Variants in AMZ2 observed in about 807,000 individuals in gnomAD.
AMZ2 encodes archaelysin family metallopeptidase 2, also known as archaemetzincin-2.
A neutral mutation model predicts 36.7 loss-of-function variants in AMZ2; 26 were observed. The observed-to-expected ratio is 0.71, with a 90% CI of 0.52 to 0.98. AMZ2 has a LOEUF of 0.98. AMZ2 is among the 50% of genes least tolerant of loss of function. The pLI, the probability that AMZ2 is intolerant of heterozygous loss-of-function variation, is 0.00. For missense variants in AMZ2, 394 were observed against 430.5 expected (o/e 0.92, Z 0.75); for synonymous variants, 144 against 149.1 (o/e 0.97, Z 0.25).
chr17:68,248,810 G>A (rs1298983245), intron 1 of AMZ2, 105 bp downstream of exon 1: 7 of 969,520 alleles, frequency 7.2e-6, no homozygotes, highest in Non-Finnish European at 7.4e-6. Flanking sequence ...GCTTATATCA[G>A]AGCTTTGAGT....
At chr17:68,220,999 G>A (rs2073338787) in intron 1 of AMZ2, among the ~76,000 whole-genome samples, 1 of 152,030 alleles carries the variant, frequency 6.6e-6, no homozygotes, top group African/African-American at 2.4e-5. Context: ...GGCCAGGCTG[G>A]TCTTGAACTC....
At chr17:68,220,825 C>T (rs1215557941) in intron 1 of AMZ2, among the ~76,000 whole-genome samples, 20 of 146,504 alleles carry the variant, frequency 1.4e-4, no homozygotes, top group Non-Finnish European at 2.4e-4. Context: ...CTGTCTCGCC[C>T]AGGCTGGGGT....
chr17:68,247,947 T>G (rs16972844), upstream of AMZ2: 1 of 984,540 alleles, frequency 1.0e-6, no homozygotes, highest in Non-Finnish European at 1.2e-6. Context: ...GTGGCATGGG[T>G]GGGTCGTGAG....
At chr17:68,249,014 C>A in intron 1 of AMZ2, 1 of 1,099,172 alleles carries the variant, frequency 9.1e-7, no homozygotes, top group South Asian at 4.5e-5. Flanking sequence ...CAAAAAGCCT[C>A]GTGGTGGAAC....
rs8076553 is a variant in AMZ2 at position 68,220,821 on chromosome 17, C to T, written c.-67+14583C>T. Among the ~76,000 whole-genome samples the T allele has an allele frequency of 3.2e-3, 463 of 143,284 alleles. 5 individuals carry two copies. Among genetic ancestry groups the T allele is most frequent in the African/African-American group, 0.011 (430 of 39,556 alleles). 94.0% of individuals were successfully genotyped at this position (143,284 alleles called of 152,430 possible). A position where few individuals can be genotyped will look rare whatever the true frequency, so the allele number is the denominator to read the frequency against. On this transcript the variant is annotated intron_variant, in intron 1 of 7. Transcript: ENST00000674770. Reference sequence around the variant, plus strand: ...TTTGAGACAGGGTCTCAATCTGTCTCGCCCAGGCTGGGGTGCAGTGGTGCG... The same window carrying T: ...TTTGAGACAGGGTCTCAATCTGTCTTGCCCAGGCTGGGGTGCAGTGGTGCG...
At chr17:68,227,685 T>C (rs1434338896) in intron 1 of AMZ2, among the ~76,000 whole-genome samples, 4 of 152,186 alleles carry the variant, frequency 2.6e-5, no homozygotes, top group Non-Finnish European at 5.9e-5. Context: ...GTGTCTGATA[T>C]CCCTCTGTCT....
At chr17:68,253,059 A>C (rs2074604956) in intron 4 of AMZ2, among the ~76,000 whole-genome samples, 1 of 152,226 alleles carries the variant, frequency 6.6e-6, no homozygotes, top group African/African-American at 2.4e-5. Flanking sequence ...ACAAAGATTG[A>C]TATTTTTAAA....
intron 4 of AMZ2, among the ~76,000 whole-genome samples, chr17:68,251,751 T>G (rs1160306410): frequency 6.6e-6 from 1 of 152,184 alleles, no homozygotes; most frequent in Admixed American, 6.5e-5. Context: ...AGTAGCAAGG[T>G]GAATTAAACC....
intron 1 of AMZ2, among the ~76,000 whole-genome samples, chr17:68,230,177 G>A (rs1416264794): frequency 1.7e-4 from 26 of 152,126 alleles, no homozygotes; most frequent in South Asian, 2.1e-4. Context: ...GGTTTAAGCA[G>A]TTCTCCTGCC....
At chr17:68,239,551 G>A (rs2073859916) in intron 1 of AMZ2, among the ~76,000 whole-genome samples, 1 of 152,302 alleles carries the variant, frequency 6.6e-6, no homozygotes, top group Non-Finnish European at 1.5e-5. Flanking sequence ...GTGGCAGTAT[G>A]GGTTAGGGAT....
At position 68,256,816 on chromosome 17, in the gene AMZ2, AC is replaced by A. The variant is rs782652320; in HGVS notation, c.931del (p.Leu311TrpfsTer2). On this transcript the variant is annotated frameshift_variant, in exon 7 of 7. Coordinates refer to ENST00000359904, the MANE Select transcript of AMZ2 (RefSeq NM_016627.5). LOFTEE classifies it low-confidence loss of function (END_TRUNC). ...GCGCATCTTTCATGTTTTTCCAGGCACTGGTGAGGTGGATTGATGATGAATC... is the reference window on the plus strand; with the variant it reads ...GCGCATCTTTCATGTTTTTCCAGGCATGGTGAGGTGGATTGATGATGAATC... Reference protein sequence around the residue: ...GFSIVERYKALVRWIDDESSD... With the variant: ...GFSIVERYKAXVRWIDDESSD... 1.2e-6 allele frequency: 2 copies of A among 1,610,076 alleles called. No individual in the cohort carries two copies. The highest frequency in any genetic ancestry group is 1.7e-6 in the Non-Finnish European group (2 of 1,178,502).
chr17:68,236,353 A>G (rs1335338184), intron 1 of AMZ2, among the ~76,000 whole-genome samples: 1 of 152,008 alleles, frequency 6.6e-6, no homozygotes, highest in Non-Finnish European at 1.5e-5. Context: ...TATACTATGT[A>G]TATGTTTGGT....
chr17:68,244,279 C>T (rs559781422), upstream of AMZ2, among the ~76,000 whole-genome samples: 1 of 152,234 alleles, frequency 6.6e-6, no homozygotes, highest in African/African-American at 2.4e-5. Flanking sequence ...GAGTGCAGGG[C>T]ATCATGTCTA....
chr17:68,209,622 A>ATATATATATATATG (rs2072967321), intron 1 of AMZ2, among the ~76,000 whole-genome samples: 3 of 83,114 alleles, frequency 3.6e-5, no homozygotes, highest in Non-Finnish European at 6.6e-5. Context: ...ATATATATAT[A>ATATATATATATATG]TATATATATA....
intron 1 of AMZ2, among the ~76,000 whole-genome samples, chr17:68,223,971 G>A (rs1295533337): frequency 1.3e-5 from 2 of 150,654 alleles, no homozygotes; most frequent in East Asian, 2.0e-4. Context: ...CTCACTGCAA[G>A]CTCTGCCTCC....
At chr17:68,236,055 C>G (rs1421446350) in intron 1 of AMZ2, among the ~76,000 whole-genome samples, 2 of 151,904 alleles carry the variant, frequency 1.3e-5, no homozygotes, top group Non-Finnish European at 2.9e-5. Flanking sequence ...GTCTCGAACT[C>G]CTAACCTCAG....
intron 1 of AMZ2, among the ~76,000 whole-genome samples, chr17:68,208,677 C>G (rs1972044889): frequency 6.6e-6 from 1 of 152,234 alleles, no homozygotes; most frequent in African/African-American, 2.4e-5. Flanking sequence ...AATTTTGCTG[C>G]TGCTCACTCT....
chr17:68,251,571 G>A (rs146349827), intron 4 of AMZ2, among the ~76,000 whole-genome samples: 187 of 152,298 alleles, frequency 1.2e-3, no homozygotes, highest in African/African-American at 4.3e-3. Context: ...GGAGGCTGAG[G>A]TGAGAGGATT....
intron 1 of AMZ2, among the ~76,000 whole-genome samples, chr17:68,217,809 GA>G (rs1183450341): frequency 7.8e-4 from 102 of 131,420 alleles, no homozygotes; most frequent in Admixed American, 2.0e-3. Flanking sequence ...TAATAAAAAA[GA>G]TTTTTTTTTT....
Sources: gnomAD v4.1 joint callset for allele counts (sites outside exome capture counted in the v4.1 genomes callset) on GRCh38, gnomAD v4.1.1 for gene constraint, MANE v1.5 for transcripts, NCBI Gene and HGNC (gene_info 2026-07-23, HGNC 2026-07-21) for gene names.